FLI1: variants seen among roughly 807,000 people sequenced by gnomAD.
FLI1 encodes Friend leukemia integration 1 transcription factor.
In FLI1, 13 loss-of-function variants were observed where a neutral mutation model predicts 53.1. That is an observed-to-expected ratio of 0.24 (90% CI 0.16 to 0.39). The LOEUF is 0.39. Ranked by LOEUF, FLI1 falls within the 10% of genes least tolerant of loss-of-function variation. The pLI, the probability that FLI1 is intolerant of heterozygous loss-of-function variation, is 1.00. For synonymous variants in FLI1, 244 were observed against 236.7 expected, an observed-to-expected ratio of 1.03 and a Z score of -0.28; for missense variants, 424 against 600.5, an observed-to-expected ratio of 0.71 and a Z score of 3.07.
At chr11:128,703,355 T>C (rs1938418197) in intron 1 of FLI1, among the ~76,000 whole-genome samples, 2 of 152,358 alleles carry the variant, frequency 1.3e-5, no homozygotes, top group South Asian at 4.1e-4. Context: ...ACAATGTGTT[T>C]ATTGTAGCAT....
intron 2 of FLI1, among the ~76,000 whole-genome samples, chr11:128,759,721 C>G (rs1327001345): frequency 1.3e-5 from 2 of 152,218 alleles, no homozygotes; most frequent in African/African-American, 4.8e-5. Flanking sequence ...TCAGTGTTCT[C>G]TTTGAGATTC....
chr11:128,801,223 G>A (rs1795033003), intron 5 of FLI1, among the ~76,000 whole-genome samples: 3 of 152,208 alleles, frequency 2.0e-5, no homozygotes, highest in South Asian at 2.1e-4. Context: ...CCCACTCCAT[G>A]CGCTGACGGA....
chr11:128,785,973 A>C (rs1479609625), intron 5 of FLI1, among the ~76,000 whole-genome samples: 1 of 152,262 alleles, frequency 6.6e-6, no homozygotes, highest in Non-Finnish European at 1.5e-5. Flanking sequence ...TTGTACACTT[A>C]AAATGGTTAA....
chr11:128,803,536 C>T (rs372078951), intron 5 of FLI1, among the ~76,000 whole-genome samples: 17 of 152,222 alleles, frequency 1.1e-4, no homozygotes, highest in Middle Eastern at 3.2e-3. Flanking sequence ...CCACTCACCT[C>T]TCTGTCAACC....
At chr11:128,721,854 T>C (rs1939268084) in intron 1 of FLI1, among the ~76,000 whole-genome samples, 1 of 152,176 alleles carries the variant, frequency 6.6e-6, no homozygotes, top group Non-Finnish European at 1.5e-5. Context: ...CTTTCCAAAC[T>C]CTGAATCCCA....
At chr11:128,685,793 A>G (rs1415980052), upstream of FLI1, among the ~76,000 whole-genome samples, 2 of 151,702 alleles carry the variant, frequency 1.3e-5, no homozygotes, top group African/African-American at 4.9e-5. Flanking sequence ...GCTGCCAGAG[A>G]AGCTGTGAGC....
intron 4 of FLI1, among the ~76,000 whole-genome samples, chr11:128,781,654 T>C (rs1450742264): frequency 6.6e-6 from 1 of 152,202 alleles, no homozygotes. Context: ...CTATCATGAT[T>C]ATGGCACAGA....
intron 2 of FLI1, among the ~76,000 whole-genome samples, chr11:128,765,004 C>T (rs1332118924): frequency 6.6e-6 from 1 of 151,190 alleles, no homozygotes; most frequent in Non-Finnish European, 1.5e-5. Flanking sequence ...GGCGAGCGGC[C>T]AAACCGATCA....
chr11:128,790,270 CGAGAGAGAGATTAA>C (rs1199485383), intron 5 of FLI1, among the ~76,000 whole-genome samples: 6 of 122,056 alleles, frequency 4.9e-5, no homozygotes, highest in African/African-American at 2.0e-4. Flanking sequence ...TTTTTTTCCA[CGAGAGAGAGATTAA>C]GAGAGAGAGA....
chr11:128,790,149 C>T (rs1321733547), intron 5 of FLI1, among the ~76,000 whole-genome samples: 1 of 151,662 alleles, frequency 6.6e-6, no homozygotes, highest in African/African-American at 2.4e-5. Context: ...ATGGGATAGA[C>T]AGTAGCTTGC....
chr11:128,764,762 G>C (rs774403690), intron 2 of FLI1: 25 of 1,589,744 alleles, frequency 1.6e-5, no homozygotes, highest in Non-Finnish European at 2.0e-5. Context: ...GCTGGCTGGA[G>C]GAGGCACGGT....
Position 128,731,568 on chromosome 11 carries a change from CA to C in FLI1, c.19-26540del, listed in dbSNP as rs1395742184. On this transcript the variant is annotated intron_variant, in intron 1 of 8. Coordinates refer to ENST00000527786, the MANE Select transcript of FLI1 (RefSeq NM_002017.5). ...AAACAAAAATAAAACAAAAAACAAA[CA>C]AAAAAACCCTTCCTGAGTGAACTTG... 2.7e-5 allele frequency among the ~76,000 whole-genome samples: 4 copies of C among 148,384 alleles called. No homozygotes were observed. In the East Asian group the frequency reaches 6.0e-4, roughly 22 times the overall value.
chr11:128,766,771 C>G (rs1284481981), intron 2 of FLI1, among the ~76,000 whole-genome samples: 5 of 151,820 alleles, frequency 3.3e-5, no homozygotes, highest in Non-Finnish European at 7.4e-5. Flanking sequence ...GGATGGAGGA[C>G]AGTGGCCAGG....
intron 1 of FLI1, among the ~76,000 whole-genome samples, chr11:128,730,459 A>G (rs1289819504): frequency 6.6e-6 from 1 of 152,246 alleles, no homozygotes; most frequent in East Asian, 1.9e-4. Context: ...CTCAGTATCA[A>G]GAACATGCAT....
intron 5 of FLI1, among the ~76,000 whole-genome samples, chr11:128,785,290 T>A (rs751241688): frequency 1.3e-5 from 2 of 151,838 alleles, no homozygotes; most frequent in Non-Finnish European, 2.9e-5. Flanking sequence ...CTGTAAAGGG[T>A]TTTGGAATAT....
chr11:128,737,572 G>A (rs77502361), intron 1 of FLI1, among the ~76,000 whole-genome samples: 10,248 of 152,194 alleles, frequency 0.067, 1,141 homozygotes, highest in African/African-American at 0.23. Flanking sequence ...TATTTTAAAT[G>A]AAATAAATGA....
chr11:128,774,171 C>T (rs1159464227), intron 4 of FLI1, among the ~76,000 whole-genome samples: 1 of 152,094 alleles, frequency 6.6e-6, no homozygotes, highest in Non-Finnish European at 1.5e-5. Context: ...GGGGCAGGGG[C>T]AACACGTGCT....
At chr11:128,804,102 G>C (rs1052055689) in intron 5 of FLI1, 2 of 152,236 alleles carry the variant, frequency 1.3e-5, no homozygotes, top group African/African-American at 4.8e-5. Context: ...ATGTGCATCT[G>C]CACGTGGATT....
At chr11:128,703,072 A>C (rs1938406068) in intron 1 of FLI1, among the ~76,000 whole-genome samples, 1 of 152,236 alleles carries the variant, frequency 6.6e-6, no homozygotes, top group Non-Finnish European at 1.5e-5. Flanking sequence ...ACAAATGGGC[A>C]ATAAATAAAT....
Sources: allele counts gnomAD v4.1 joint callset (sites outside exome capture counted in the v4.1 genomes callset), GRCh38; gene constraint gnomAD v4.1.1; transcripts MANE v1.5; gene names NCBI Gene and HGNC (gene_info 2026-07-23, HGNC 2026-07-21).